HDAC4: variants seen among roughly 807,000 people sequenced by gnomAD.
HDAC4 encodes the protein histone deacetylase 4, also known as histone deacetylase A.
A neutral mutation model predicts 135.1 loss-of-function variants in HDAC4; 16 were observed. The observed-to-expected ratio is 0.12, with a 90% CI of 0.08 to 0.18. The LOEUF (loss-of-function observed/expected upper bound fraction) is 0.18, where lower values mean the gene tolerates loss of function less well. HDAC4 is among the 10% of genes least tolerant of loss of function. The probability of loss-of-function intolerance (pLI) is 1.00; values close to 1 mark genes in which losing one functional copy is unlikely to be tolerated. For synonymous variants in HDAC4, 685 were observed against 653.4 expected (o/e 1.05, Z -0.74); for missense variants, 1,143 against 1,511.8 (o/e 0.76, Z 4.05).
chr2:239,218,124 T>C (rs637265), intron 3 of HDAC4, among the ~76,000 whole-genome samples: 81,836 of 151,952 alleles, frequency 0.54, 23,259 homozygotes, highest in South Asian at 0.73. Flanking sequence ...GAATATAAAA[T>C]TGGATGAAAA....
rs1407641155 is a variant in HDAC4, at chr2:239,349,498, G to A, written c.22+3180C>T. 1.3e-5 allele frequency among the ~76,000 whole-genome samples: 2 copies of A among 152,250 alleles called. No homozygotes were observed. Among genetic ancestry groups the A allele is most frequent in the African/African-American group, 2.4e-5 (1 of 41,470 alleles). ...GAGCGGACGGACAGGTGCATCAGCT[G>A]ACAAGAAACACAGAGGAACTTCCCG... On this transcript the variant is annotated intron_variant, in intron 2 of 26. Transcript: ENST00000543185. This position sits in a 1 kb window ranked among gnomAD's most constrained non-coding sequence, Gnocchi z 5.7.
At position 239,285,201 on chromosome 2, in the gene HDAC4, T is replaced by G. The variant is rs1228685887; in HGVS notation, c.23-48537A>C. Among the ~76,000 whole-genome samples, 2 of 152,112 alleles carry G rather than the reference T, an allele frequency of 1.3e-5. No homozygotes were observed. The highest frequency in any genetic ancestry group is 4.8e-5 in the African/African-American group (2 of 41,420). ...GTTACACAGTGAGAAAACAGGCAGC[T>G]GGATGAGCACAGAGCCACGGTGGAG... On this transcript the variant is annotated intron_variant, in intron 2 of 26. Coordinates refer to ENST00000543185, the MANE Select transcript of HDAC4 (RefSeq NM_001378414.1). This position sits in a 1 kb window ranked among gnomAD's most constrained non-coding sequence, Gnocchi z 4.5.
chr2:239,224,758 GTGAA>G (rs1296832093), intron 3 of HDAC4, among the ~76,000 whole-genome samples: 3 of 152,212 alleles, frequency 2.0e-5, no homozygotes, highest in Non-Finnish European at 2.9e-5. Context: ...ATATGAATGA[GTGAA>G]TGAATGAATG....
At chr2:239,079,898 GCA>G (rs2035136837) in intron 22 of HDAC4, among the ~76,000 whole-genome samples, 2 of 152,172 alleles carry the variant, frequency 1.3e-5, no homozygotes, top group African/African-American at 2.4e-5. Context: ...TCAGAGATAT[GCA>G]CACACACGTA....
intron 1 of HDAC4, among the ~76,000 whole-genome samples, chr2:239,377,149 T>C (rs1389420852): frequency 6.6e-6 from 1 of 152,176 alleles, no homozygotes; most frequent in African/African-American, 2.4e-5. Context: ...CGCTCCTCTA[T>C]GGCAGCCCAA....
chr2:239,279,581 A>AGGGGT (rs2050586758), intron 2 of HDAC4, among the ~76,000 whole-genome samples: 1 of 152,222 alleles, frequency 6.6e-6, no homozygotes, highest in Admixed American at 6.5e-5. Context: ...GCAGAAGGGC[A>AGGGGT]GGGGTGGGAG....
chr2:239,361,932 A>C (rs1693894473), intron 1 of HDAC4, among the ~76,000 whole-genome samples: 1 of 152,280 alleles, frequency 6.6e-6, no homozygotes, highest in African/African-American at 2.4e-5. Flanking sequence ...AACACATGGA[A>C]AGCACATGCT....
In HDAC4 at chr2:239,068,208, AG is replaced by A. The variant is rs1461638177; in HGVS notation, c.2869+280del. Among the ~76,000 whole-genome samples the A allele has an allele frequency of 6.6e-5, 10 of 152,284 alleles. No individual in the cohort carries two copies. The highest frequency in any genetic ancestry group is 2.6e-4 in the Admixed American group (4 of 15,308). ...GGACCTGCCCCTGGAGGTGGCCTGC[AG>A]GTCCCTAGGCACCCGCATCCCAGAG... On this transcript the variant is annotated intron_variant, in intron 23 of 26. Coordinates refer to ENST00000543185, the MANE Select transcript of HDAC4 (RefSeq NM_001378414.1). This position sits in a 1 kb window ranked among gnomAD's most constrained non-coding sequence, Gnocchi z 4.4.
In HDAC4 at chr2:239,349,134, G is replaced by C. The variant is rs1422224511; in HGVS notation, c.22+3544C>G. ...CCCACACCAGGCCACACAGGAGCAG[G>C]GCCCCCATGCCAGATGGGCAGGCAA... On this transcript the variant is annotated intron_variant, in intron 2 of 26. Transcript: ENST00000543185. The surrounding 1 kb of genome is among the most constrained non-coding windows in gnomAD (Gnocchi z 5.7). Among the ~76,000 whole-genome samples, 1 of 152,174 alleles carries C rather than the reference G, an allele frequency of 6.6e-6. No homozygotes were observed. The highest frequency in any genetic ancestry group is 2.4e-5 in the African/African-American group (1 of 41,456).
intron 21 of HDAC4, 26 bp downstream of exon 21, chr2:239,082,076 C>G (rs765812350): frequency 6.2e-7 from 1 of 1,613,554 alleles, no homozygotes; most frequent in Non-Finnish European, 8.5e-7. Context: ...CCTTTCCCCC[C>G]AGAGGCCCTT....
chr2:239,286,661 A>C (rs2051151991), intron 2 of HDAC4, among the ~76,000 whole-genome samples: 1 of 152,228 alleles, frequency 6.6e-6, no homozygotes, highest in Non-Finnish European at 1.5e-5. Flanking sequence ...AGGGTGCTCC[A>C]CACCCAAACA....
Position 239,218,048 on chromosome 2 carries a change from T to C in HDAC4, c.94+18545A>G, listed in dbSNP as rs888323888. 2.0e-5 allele frequency among the ~76,000 whole-genome samples: 3 copies of C among 152,158 alleles called. No homozygotes were observed. In the East Asian group the frequency reaches 5.8e-4, roughly 29 times the overall value. ...TAGAGGCTGCAGTGAGCCATGATCA[T>C]GCCACTGTACTCCAGCCTGGGCGAC... On this transcript the variant is annotated intron_variant, in intron 3 of 26. Transcript: ENST00000543185.
intron 5 of HDAC4, among the ~76,000 whole-genome samples, chr2:239,169,854 G>A (rs765888690): frequency 2.0e-5 from 3 of 152,096 alleles, no homozygotes; most frequent in Non-Finnish European, 2.9e-5. Flanking sequence ...GTCTGGAAGC[G>A]CTCCCCTGTG....
At chr2:239,348,579 A>G (rs1692889760) in intron 2 of HDAC4, among the ~76,000 whole-genome samples, 1 of 152,254 alleles carries the variant, frequency 6.6e-6, no homozygotes, top group African/African-American at 2.4e-5. Context: ...TTGTCCTGCC[A>G]GCAGGCCCCC....
At chr2:239,354,083 A>G (rs1176880086) in intron 1 of HDAC4, among the ~76,000 whole-genome samples, 1 of 152,188 alleles carries the variant, frequency 6.6e-6, no homozygotes, top group Non-Finnish European at 1.5e-5. Flanking sequence ...ACACACAGAC[A>G]AGCCCTTGGT....
intron 17 of HDAC4, 123 bp downstream of exon 17, chr2:239,094,887 C>A: frequency 6.3e-7 from 1 of 1,596,540 alleles, no homozygotes; most frequent in Non-Finnish European, 8.5e-7. Flanking sequence ...CATGGGCAGC[C>A]CCTGCGTATG....
chr2:239,329,194 C>T (rs1038253229), intron 2 of HDAC4, among the ~76,000 whole-genome samples: 1 of 152,082 alleles, frequency 6.6e-6, no homozygotes, highest in African/African-American at 2.4e-5. Flanking sequence ...GGCTAGCCCA[C>T]TCCCAGAAGG....
chr2:239,394,014 C>T (rs1291904193), intron 1 of HDAC4, among the ~76,000 whole-genome samples: 1 of 122,222 alleles, frequency 8.2e-6, no homozygotes, highest in Non-Finnish European at 1.6e-5. Context: ...AGTGGAGATA[C>T]CACAGAAACT....
At chr2:239,249,221 G>A (rs1238525849) in intron 2 of HDAC4, among the ~76,000 whole-genome samples, 3 of 152,180 alleles carry the variant, frequency 2.0e-5, no homozygotes, top group East Asian at 1.9e-4. Context: ...GGGTTCCCAC[G>A]GGGCAGACAG....
Sources: allele counts gnomAD v4.1 joint callset (sites outside exome capture counted in the v4.1 genomes callset), GRCh38; gene constraint gnomAD v4.1.1; non-coding constraint Gnocchi (gnomAD v3.1); transcripts MANE v1.5; gene names NCBI Gene and HGNC (gene_info 2026-07-23, HGNC 2026-07-21).